Variants in SAXO2 observed in about 807,000 individuals in gnomAD.
The protein encoded by SAXO2 is stabilizer of axonemal microtubules 2.
A neutral mutation model predicts 18.7 loss-of-function variants in SAXO2; 17 were observed. That is an observed-to-expected ratio of 0.91 (90% CI 0.62 to 1.36). The LOEUF is 1.36. Among genes scored for constraint, SAXO2 ranks in the 40% most tolerant of loss-of-function variants. The probability of loss-of-function intolerance (pLI) is 0.00; values close to 1 mark genes in which losing one functional copy is unlikely to be tolerated. For missense variants in SAXO2, 486 were observed against 562.6 expected (o/e 0.86, Z 1.38); for synonymous variants, 163 against 181.2 (o/e 0.90, Z 0.81).
chr15:82,283,447 T>C lies in SAXO2; in HGVS notation c.*385T>C, dbSNP rs1290961390. Reference sequence around the variant, plus strand: ...CACATCAGGATTATCTAGAACAACATTGAAAATGATACATGGATTCCTCTT... The same window carrying C: ...CACATCAGGATTATCTAGAACAACACTGAAAATGATACATGGATTCCTCTT... On this transcript the variant is annotated 3_prime_UTR_variant, in exon 4 of 4. Coordinates refer to ENST00000682753, the MANE Select transcript of SAXO2 (RefSeq NM_001348699.2). 2 of 155,672 alleles carry C rather than the reference T, an allele frequency of 1.3e-5. No individual in the cohort carries two copies. The highest frequency in any genetic ancestry group is 4.8e-5 in the African/African-American group (2 of 41,464). The allele number at this position is 155,672 out of a possible 1,614,324, so 9.6% of individuals were successfully genotyped here.
In SAXO2 at chr15:82,281,259, A is replaced by G. The variant is rs1293424430; in HGVS notation, c.434-860A>G. ...AAACATTTCAGTTTTAGTGAAGTGT[A>G]CTATCACCAACTTGTAATGGTGTTA... is the stretch of plus-strand genomic sequence containing the variant. On this transcript the variant is annotated intron_variant, in intron 3 of 3. Coordinates refer to ENST00000682753, the MANE Select transcript of SAXO2 (RefSeq NM_001348699.2). Among the ~76,000 whole-genome samples the G allele has an allele frequency of 5.3e-5, 8 of 152,218 alleles. No individual in the cohort carries two copies. The East Asian group carries it at 1.5e-3, about 29-fold the overall frequency.
At position 82,283,138 on chromosome 15, in the gene SAXO2, A is replaced by G; in HGVS notation, c.*76A>G. 1 of 978,850 alleles carries G rather than the reference A, an allele frequency of 1.0e-6. No homozygotes were observed. The highest frequency in any genetic ancestry group is 1.4e-6 in the Non-Finnish European group (1 of 727,480). The allele number at this position is 978,850 out of a possible 1,614,324, so 60.6% of individuals were successfully genotyped here. ...AGAGAAAACTCAATTTTTATAGTTA[A>G]AAAATTTATGATATAATAAATCATT... On this transcript the variant is annotated 3_prime_UTR_variant, in exon 4 of 4. Transcript: ENST00000682753.
At chr15:82,276,732 T>C (rs1438242642) in intron 3 of SAXO2, among the ~76,000 whole-genome samples, 1 of 152,126 alleles carries the variant, frequency 6.6e-6, no homozygotes, top group Non-Finnish European at 1.5e-5. Context: ...CTGAAAACTG[T>C]GTATCTAGTA....
Position 82,282,762 on chromosome 15 carries a change from T to C in SAXO2, c.1077T>C (p.Leu359=). The change falls in exon 4 of 4, where the codon CTT becomes CTC. Residue 359 remains leucine (L), a synonymous_variant. Transcript: ENST00000682753. Reference sequence around the variant, plus strand: ...CATGGGAAAGTTGTCGTCAAGGACTTATTAAGAAGCAGCAGCAGATTCCCA... The same window carrying C: ...CATGGGAAAGTTGTCGTCAAGGACTCATTAAGAAGCAGCAGCAGATTCCCA... ...FPAWESCRQG[L]IKKQQQIPNP... is the part of the protein sequence containing the mutation. The C allele has an allele frequency of 6.2e-7, 1 of 1,614,164 alleles. No homozygotes were observed. The highest frequency in any genetic ancestry group is 1.1e-5 in the South Asian group (1 of 91,066).
intron 3 of SAXO2, among the ~76,000 whole-genome samples, chr15:82,277,779 C>T (rs914352480): frequency 7.2e-5 from 11 of 152,194 alleles, no homozygotes; most frequent in African/African-American, 1.9e-4. Context: ...AGCTGTTACA[C>T]AAGTGAATAA....
rs867783416 is a variant in SAXO2, at chr15:82,262,866, C to A, written c.-14C>A. On this transcript the variant is annotated 5_prime_UTR_variant, in exon 1 of 4. Coordinates refer to ENST00000682753, the MANE Select transcript of SAXO2 (RefSeq NM_001348699.2). ...TGGAGAAGCTGCAAGTGCTGAGGCG[C>A]GGTGGAGGAAAGCATGGGAGCCAAG... is the stretch of plus-strand genomic sequence containing the variant. The A allele has an allele frequency of 1.9e-6, 3 of 1,584,018 alleles. No homozygotes were observed. The highest frequency in any genetic ancestry group is 2.7e-5 in the African/African-American group (2 of 74,194).
chr15:82,263,746 G>T (rs2075169291), intron 1 of SAXO2, among the ~76,000 whole-genome samples: 1 of 152,110 alleles, frequency 6.6e-6, no homozygotes, highest in African/African-American at 2.4e-5. Context: ...AGACTGGTGT[G>T]CAGGAGAAAA....
intron 3 of SAXO2, among the ~76,000 whole-genome samples, chr15:82,272,911 GT>G (rs1017975882): frequency 1.3e-4 from 19 of 140,906 alleles, no homozygotes; most frequent in South Asian, 4.6e-4. Context: ...AACACAGGCT[GT>G]TTTTTTTTTT....
intron 3 of SAXO2, among the ~76,000 whole-genome samples, chr15:82,278,707 G>A (rs544049522): frequency 6.6e-6 from 1 of 152,220 alleles, no homozygotes; most frequent in South Asian, 2.1e-4. Flanking sequence ...TGCAATGTGT[G>A]TTTTTGATCA....
Position 82,282,636 on chromosome 15 carries a change from A to T in SAXO2, c.951A>T (p.Pro317=). Residue 317 remains proline, a synonymous_variant, in exon 4 of 4, where the codon CCA becomes CCT. Transcript: ENST00000682753. ...GCACAAGCCATCTTGACTATGTTCC[A>T]TATCAGGCCAACCATGTTGTTCCCA... ...LNSTSHLDYV[P]YQANHVVPIR... The T allele has an allele frequency of 1.2e-6, 2 of 1,614,210 alleles. No homozygotes were observed. Among genetic ancestry groups the T allele is most frequent in the Non-Finnish European group, 1.7e-6 (2 of 1,180,034 alleles).
At chr15:82,264,794 G>T in intron 1 of SAXO2, 1 of 695,962 alleles carries the variant, frequency 1.4e-6, no homozygotes, top group Non-Finnish European at 2.6e-6. Flanking sequence ...AAACCAGCTT[G>T]CAAATCAAGA....
chr15:82,273,880 G>C (rs543188995), intron 3 of SAXO2, among the ~76,000 whole-genome samples: 2 of 152,064 alleles, frequency 1.3e-5, no homozygotes, highest in African/African-American at 4.8e-5. Flanking sequence ...TAGGATTACA[G>C]GTGTGCGCCA....
At chr15:82,268,616 CAAA>C (rs1567088957) in intron 2 of SAXO2, among the ~76,000 whole-genome samples, 1 of 152,182 alleles carries the variant, frequency 6.6e-6, no homozygotes, top group Non-Finnish European at 1.5e-5. Flanking sequence ...TCTGTACAAA[CAAA>C]GAAGCATTCT....
intron 3 of SAXO2, chr15:82,272,178 G>T: frequency 5.1e-6 from 1 of 194,322 alleles, no homozygotes; most frequent in Non-Finnish European, 1.1e-5. Context: ...AGAGTATTGG[G>T]ATCTTTGAGG....
chr15:82,277,382 T>C (rs1054171014), intron 3 of SAXO2, among the ~76,000 whole-genome samples: 3 of 152,134 alleles, frequency 2.0e-5, no homozygotes, highest in African/African-American at 7.2e-5. Context: ...ATGCCAATAA[T>C]TTACAACTTA....
chr15:82,271,743 T>C lies in SAXO2; in HGVS notation c.374T>C (p.Val125Ala). 6.2e-7 allele frequency: 1 copy of C among 1,614,128 alleles called. No individual in the cohort carries two copies. Among genetic ancestry groups the C allele is most frequent in the Non-Finnish European group, 8.5e-7 (1 of 1,180,006 alleles). The change falls in exon 3 of 4, where the codon GTC (valine) becomes GCC (alanine). Residue 125 changes from valine (V) to alanine (A), a missense_variant. Physicochemically the swap from Val to Ala is moderately conservative, Grantham distance 64. Transcript: ENST00000682753. ...TATAAAGTGCAGCCTGTGGCAATAG[T>C]CCGGCCTTTGGAGAGACAAGTTAAA... is the stretch of plus-strand genomic sequence containing the variant. ...NSYKVQPVAI[V>A]RPLERQVKKG...
intron 2 of SAXO2, 115 bp downstream of exon 2, chr15:82,265,863 T>A: frequency 1.6e-6 from 1 of 642,636 alleles, no homozygotes; most frequent in Non-Finnish European, 2.2e-6. Flanking sequence ...TGAACCAATC[T>A]AATAGTCAAG....
rs753397457 is a variant in SAXO2 at position 82,282,597 on chromosome 15, C to T, written c.912C>T (p.Ser304=). The T allele has an allele frequency of 6.2e-6, 10 of 1,614,066 alleles. No individual in the cohort carries two copies. The highest frequency in any genetic ancestry group is 8.5e-6 in the Non-Finnish European group (10 of 1,180,018). Reference sequence around the variant, plus strand: ...CAGAGTATGTGCCTCCTACAGGTAGCATGCTGTTAAACAGCACAAGCCATC... The same window carrying T: ...CAGAGTATGTGCCTCCTACAGGTAGTATGCTGTTAAACAGCACAAGCCATC... ...KVPEYVPPTG[S]MLLNSTSHLD... is the part of the protein sequence containing the mutation. Residue 304 remains serine (S), a synonymous_variant, in exon 4 of 4, where the codon AGC becomes AGT. Transcript: ENST00000682753.
rs376364300 is a variant in SAXO2, at chr15:82,268,975, A to G, written c.234-2628A>G. Among the ~76,000 whole-genome samples the G allele has an allele frequency of 4.8e-4, 73 of 152,240 alleles. 2 individuals are homozygous for G. In the East Asian group the frequency reaches 7.1e-3, roughly 15 times the overall value. ...TCACTTCCTGACTGCATTTTAGCCT[A>G]TTCCCCTCTAGTTCGTATTTGGGAA... On this transcript the variant is annotated intron_variant, in intron 2 of 3. Transcript: ENST00000682753.
Sources: allele counts gnomAD v4.1 joint callset (sites outside exome capture counted in the v4.1 genomes callset), GRCh38; gene constraint gnomAD v4.1.1; transcripts MANE v1.5; gene names NCBI Gene and HGNC (gene_info 2026-07-23, HGNC 2026-07-21).